The following KIF20B variants were observed in gnomAD, a reference collection of about 807,000 sequenced individuals.
KIF20B encodes the protein kinesin family member 20B.
In KIF20B, 188 loss-of-function variants were observed where a neutral mutation model predicts 232.5. The observed-to-expected ratio is 0.81, with a 90% confidence interval of 0.72 to 0.91. The LOEUF (loss-of-function observed/expected upper bound fraction) is 0.91. KIF20B is among the 40% of genes least tolerant of loss of function. The pLI is 0.00. For synonymous variants in KIF20B, 712 were observed against 683.0 expected (o/e 1.04, Z -0.66); for missense variants, 2,154 against 2,055.9 (o/e 1.05, Z -0.92).
intron 21 of KIF20B, among the ~76,000 whole-genome samples, chr10:89,739,657 G>T (rs1357749692): frequency 7.7e-6 from 1 of 129,062 alleles, no homozygotes; most frequent in African/African-American, 3.2e-5. Flanking sequence ...AAAGATTGGA[G>T]CACTTTTTTT....
intron 29 of KIF20B, among the ~76,000 whole-genome samples, chr10:89,765,912 T>C (rs1842349252): frequency 1.3e-5 from 2 of 152,156 alleles, no homozygotes; most frequent in African/African-American, 4.8e-5. Context: ...TAACCCGACC[T>C]TTCTCTTTGG....
chr10:89,754,073 G>A (rs1350400591), intron 25 of KIF20B, among the ~76,000 whole-genome samples: 1 of 150,978 alleles, frequency 6.6e-6, no homozygotes, highest in Non-Finnish European at 1.5e-5. Context: ...TCTTCTGGAT[G>A]TTCTTTTAAT....
At chr10:89,721,940 C>G (rs1843068031) in intron 13 of KIF20B, among the ~76,000 whole-genome samples, 1 of 151,990 alleles carries the variant, frequency 6.6e-6, no homozygotes, top group African/African-American at 2.4e-5. Context: ...GAGACAAAGT[C>G]TTGCTCTGTT....
intron 2 of KIF20B, among the ~76,000 whole-genome samples, chr10:89,706,452 T>TTG (rs1842723909): frequency 1.3e-5 from 2 of 152,192 alleles, no homozygotes; most frequent in Middle Eastern, 3.4e-3. Flanking sequence ...GTGAATTTTT[T>TTG]TGTGTGTGTG....
intron 29 of KIF20B, among the ~76,000 whole-genome samples, chr10:89,764,166 G>A (rs1264727365): frequency 1.3e-5 from 2 of 150,428 alleles, no homozygotes; most frequent in Non-Finnish European, 1.5e-5. Context: ...TTGTCCTTGT[G>A]ATAGTTTACT....
intron 22 of KIF20B, among the ~76,000 whole-genome samples, chr10:89,744,343 A>G (rs1367664209): frequency 6.6e-6 from 1 of 152,118 alleles, no homozygotes; most frequent in African/African-American, 2.4e-5. Context: ...GACAAACCCA[A>G]ATGGAGGATG....
chr10:89,762,601 C>G (rs1383205986), intron 28 of KIF20B, 37 bp from the exon 29 acceptor site: 2 of 1,488,282 alleles, frequency 1.3e-6, no homozygotes, highest in African/African-American at 1.4e-5. Context: ...AATGTATACT[C>G]TACAAATAAT....
chr10:89,742,989 C>T (rs1302503049), intron 21 of KIF20B, among the ~76,000 whole-genome samples: 1 of 152,176 alleles, frequency 6.6e-6, no homozygotes. Context: ...GCATGAGCCA[C>T]CATGCCCGGC....
At chr10:89,704,602 G>A (rs1842684971) in intron 1 of KIF20B, among the ~76,000 whole-genome samples, 1 of 151,840 alleles carries the variant, frequency 6.6e-6, no homozygotes, top group African/African-American at 2.4e-5. Flanking sequence ...TGTCACCCAG[G>A]CTTGAGTGCA....
At chr10:89,771,366 T>C (rs925221563) in intron 31 of KIF20B, among the ~76,000 whole-genome samples, 2 of 151,902 alleles carry the variant, frequency 1.3e-5, no homozygotes, top group African/African-American at 4.8e-5. Context: ...TAGCACATAG[T>C]AGTGATGAGT....
intron 21 of KIF20B, among the ~76,000 whole-genome samples, chr10:89,740,775 C>A (rs1283704270): frequency 1.3e-5 from 2 of 152,212 alleles, no homozygotes; most frequent in Non-Finnish European, 2.9e-5. Context: ...ATCCTCCCAT[C>A]TCAGCCTCCC....
rs552144978 is a variant in KIF20B at position 89,710,154 on chromosome 10, C to T, written c.490+89C>T. On this transcript the variant is annotated intron_variant, in intron 5 of 32. Coordinates refer to ENST00000371728, the MANE Select transcript of KIF20B (RefSeq NM_001284259.2). ...ATAATACATACATGTAGTTATGTTG[C>T]TATTACCTAGTATGCGTTTGCTCTA... The T allele has an allele frequency of 2.6e-5, 29 of 1,126,458 alleles. 1 individual carries two copies. In the South Asian group the frequency reaches 5.1e-4, roughly 20 times the overall value. 69.8% of individuals were successfully genotyped at this position (1,126,458 alleles called of 1,614,324 possible). A position where few individuals can be genotyped will look rare whatever the true frequency, so the allele number is the denominator to read the frequency against.
At chr10:89,749,937 A>C (rs1173924468) in intron 23 of KIF20B, among the ~76,000 whole-genome samples, 1 of 152,102 alleles carries the variant, frequency 6.6e-6, no homozygotes, top group Non-Finnish European at 1.5e-5. Flanking sequence ...ATAGTCATTT[A>C]TTTCACTATG....
At chr10:89,749,226 A>G (rs1440169100) in intron 23 of KIF20B, among the ~76,000 whole-genome samples, 1 of 152,214 alleles carries the variant, frequency 6.6e-6, no homozygotes, top group Non-Finnish European at 1.5e-5. Context: ...TTGTGATTTA[A>G]GTTGTGTATG....
chr10:89,755,236 A>G (rs1842096098), intron 26 of KIF20B, among the ~76,000 whole-genome samples: 1 of 152,260 alleles, frequency 6.6e-6, no homozygotes, highest in Admixed American at 6.5e-5. Flanking sequence ...CAAATATTTT[A>G]AAATGAAAAA....
At position 89,774,075 on chromosome 10, in the gene KIF20B, A is replaced by C. The variant is rs115390344; in HGVS notation, c.*27A>C. 802 of 1,430,244 alleles carry C rather than the reference A, an allele frequency of 5.6e-4. 6 individuals carry two copies. In the African/African-American group the frequency reaches 0.01, roughly 18 times the overall value. 88.6% of individuals were successfully genotyped at this position (1,430,244 alleles called of 1,614,324 possible). A position where few individuals can be genotyped will look rare whatever the true frequency, so the allele number is the denominator to read the frequency against. On this transcript the variant is annotated 3_prime_UTR_variant, in exon 33 of 33. Transcript: ENST00000371728. Reference sequence around the variant, plus strand: ...TCACTTATGGAAATGTTTAATATAAATTTTATAGTCATAGTCATTGGAACT... The same window carrying C: ...TCACTTATGGAAATGTTTAATATAACTTTTATAGTCATAGTCATTGGAACT...
At chr10:89,759,304 A>G (rs1842192381) in intron 27 of KIF20B, among the ~76,000 whole-genome samples, 1 of 152,098 alleles carries the variant, frequency 6.6e-6, no homozygotes, top group South Asian at 2.1e-4. Flanking sequence ...AAGTAAGCCT[A>G]ATGGTAGAGA....
intron 13 of KIF20B, among the ~76,000 whole-genome samples, chr10:89,722,722 T>C (rs1329028160): frequency 6.6e-6 from 1 of 151,382 alleles, no homozygotes; most frequent in African/African-American, 2.4e-5. Context: ...TCCACATTCA[T>C]TCTGATGTCT....
Position 89,709,270 on chromosome 10 carries a change from A to G in KIF20B, c.234+17A>G. The G allele has an allele frequency of 6.3e-7, 1 of 1,596,392 alleles. No homozygotes were observed. The highest frequency in any genetic ancestry group is 1.3e-5 in the African/African-American group (1 of 74,224). On this transcript the variant is annotated intron_variant, in intron 3 of 32. Coordinates refer to ENST00000371728, the MANE Select transcript of KIF20B (RefSeq NM_001284259.2). ...GAGTCTGAGGTTTGTGTTGAATTTA[A>G]TAGAATTTTAATATTTTACTTTCAT...
Sources: gnomAD v4.1 joint callset for allele counts (sites outside exome capture counted in the v4.1 genomes callset) on GRCh38, gnomAD v4.1.1 for gene constraint, MANE v1.5 for transcripts, NCBI Gene and HGNC (gene_info 2026-07-23, HGNC 2026-07-21) for gene names.